The following NBAS variants were observed in gnomAD, a reference collection of about 807,000 sequenced individuals.
The protein encoded by NBAS is NBAS subunit of NRZ tethering complex, also known as NAG/BC035112 fusion.
A neutral mutation model predicts 302.5 loss-of-function variants in NBAS; 219 were observed. That is an observed-to-expected ratio of 0.72 (90% CI 0.65 to 0.81). The LOEUF (loss-of-function observed/expected upper bound fraction) is 0.81. NBAS is among the 30% of genes least tolerant of loss of function. NBAS has a pLI of 0.00. For synonymous variants in NBAS, 1,118 were observed against 1,021.6 expected (o/e 1.09, Z -1.80); for missense variants, 2,932 against 2,841.6 (o/e 1.03, Z -0.72).
At chr2:15,235,521 G>A (rs1394439811) in intron 45 of NBAS, among the ~76,000 whole-genome samples, 2 of 152,116 alleles carry the variant, frequency 1.3e-5, no homozygotes, top group African/African-American at 4.8e-5. Context: ...TTGTAATCCT[G>A]AATATACTGT....
At chr2:15,422,323 A>G (rs1368338630) in intron 23 of NBAS, among the ~76,000 whole-genome samples, 1 of 152,178 alleles carries the variant, frequency 6.6e-6, no homozygotes, top group Non-Finnish European at 1.5e-5. Context: ...TTTAGAGCTG[A>G]GTAAATATTC....
chr2:15,439,311 A>T (rs1171898845), intron 21 of NBAS, among the ~76,000 whole-genome samples: 1 of 151,706 alleles, frequency 6.6e-6, no homozygotes, highest in African/African-American at 2.4e-5. Flanking sequence ...CAAATAAAAA[A>T]AAAAAAAAAA....
chr2:15,268,444 TCA>T (rs1360087682), intron 44 of NBAS, among the ~76,000 whole-genome samples: 1 of 152,142 alleles, frequency 6.6e-6, no homozygotes, highest in Non-Finnish European at 1.5e-5. Context: ...GCAAAAGATC[TCA>T]CTGTCATTTT....
chr2:14,821,797 G>A, the NBAS span, among the ~76,000 whole-genome samples: 1 of 152,018 alleles, frequency 6.6e-6, no homozygotes, highest in Non-Finnish European at 1.5e-5. Context: ...TGGGTCACAA[G>A]GTCAGGAGTT....
At chr2:15,244,638 G>A (rs926648530) in intron 44 of NBAS, among the ~76,000 whole-genome samples, 3 of 152,108 alleles carry the variant, frequency 2.0e-5, no homozygotes, top group Non-Finnish European at 4.4e-5. Context: ...CAGGGCAGAG[G>A]ATTTGTCCAT....
At chr2:15,141,147 T>C in the NBAS span, among the ~76,000 whole-genome samples, 1 of 152,058 alleles carries the variant, frequency 6.6e-6, no homozygotes, top group Admixed American at 6.5e-5. Flanking sequence ...CTCGCTCCCA[T>C]CCCCTTTTCC....
chr2:14,921,427 T>C, the NBAS span, among the ~76,000 whole-genome samples: 5 of 152,138 alleles, frequency 3.3e-5, no homozygotes, highest in African/African-American at 7.2e-5. Flanking sequence ...CACATGCTGA[T>C]GGAAAAAAGT....
chr2:15,036,940 A>T, the NBAS span, among the ~76,000 whole-genome samples: 1 of 152,180 alleles, frequency 6.6e-6, no homozygotes, highest in Admixed American at 6.5e-5. Flanking sequence ...TAGGCAAGCC[A>T]GGAAGGTTCT....
chr2:15,239,304 A>G (rs928349905), intron 44 of NBAS, among the ~76,000 whole-genome samples: 1 of 151,568 alleles, frequency 6.6e-6, no homozygotes, highest in African/African-American at 2.4e-5. Flanking sequence ...TATACAATAT[A>G]TGTATTTTAT....
At chr2:15,433,656 T>C (rs143421692) in intron 21 of NBAS, among the ~76,000 whole-genome samples, 141 of 152,322 alleles carry the variant, frequency 9.3e-4, no homozygotes, top group African/African-American at 3.0e-3. Flanking sequence ...CCAAAAGGCA[T>C]TGTCTCTGTC....
chr2:15,553,897 CCTCT>C (rs959696186), intron 4 of NBAS, among the ~76,000 whole-genome samples, 160 bp downstream of exon 4: 14 of 130,132 alleles, frequency 1.1e-4, no homozygotes, highest in African/African-American at 3.3e-4. Context: ...TCTCTCTTTC[CCTCT>C]CTCTCTAAAA....
chr2:15,186,921 T>C (rs748310381), intron 49 of NBAS, 41 bp from the exon 50 acceptor site: 1 of 1,612,378 alleles, frequency 6.2e-7, no homozygotes, highest in South Asian at 1.1e-5. Flanking sequence ...TGGAAATGAC[T>C]AAAGTTATCA....
chr2:15,548,023 T>C (rs1664196890), intron 6 of NBAS, among the ~76,000 whole-genome samples: 1 of 152,230 alleles, frequency 6.6e-6, no homozygotes, highest in Admixed American at 6.5e-5. Flanking sequence ...ATGACAGTTT[T>C]CCACAAATTT....
the NBAS span, among the ~76,000 whole-genome samples, chr2:14,817,040 G>A: frequency 1.3e-5 from 2 of 152,340 alleles, no homozygotes; most frequent in East Asian, 1.9e-4. Context: ...CCTGAGGAGA[G>A]AAGAGAGGAT....
intron 38 of NBAS, among the ~76,000 whole-genome samples, chr2:15,309,810 CT>C (rs913388298): frequency 6.6e-6 from 1 of 152,114 alleles, no homozygotes; most frequent in Non-Finnish European, 1.5e-5. Flanking sequence ...AAAAACTTGT[CT>C]TTTTCACATA....
At chr2:15,252,270 G>A (rs777388934) in intron 44 of NBAS, among the ~76,000 whole-genome samples, 29 of 152,078 alleles carry the variant, frequency 1.9e-4, no homozygotes, top group East Asian at 1.2e-3. Context: ...AGGCCGAGGC[G>A]GTTGGATCAC....
the NBAS span, among the ~76,000 whole-genome samples, chr2:14,865,314 G>C: frequency 6.6e-6 from 1 of 151,852 alleles, no homozygotes; most frequent in South Asian, 2.1e-4. Flanking sequence ...ACATCTCAGT[G>C]GAATTCAGGT....
intron 44 of NBAS, among the ~76,000 whole-genome samples, chr2:15,273,893 G>C (rs1669446178): frequency 6.6e-6 from 1 of 151,558 alleles, no homozygotes; most frequent in Non-Finnish European, 1.5e-5. Flanking sequence ...GGCTAACATG[G>C]TGAAACCTCA....
the NBAS span, among the ~76,000 whole-genome samples, chr2:15,088,532 A>G: frequency 2.0e-5 from 3 of 152,146 alleles, no homozygotes; most frequent in African/African-American, 7.2e-5. Context: ...CCCACTAGAT[A>G]TAAAGTTTCT....
Sources: gnomAD v4.1 joint callset for allele counts (sites outside exome capture counted in the v4.1 genomes callset) on GRCh38, gnomAD v4.1.1 for gene constraint, MANE v1.5 for transcripts, NCBI Gene and HGNC (gene_info 2026-07-23, HGNC 2026-07-21) for gene names.